The following SHANK2 variants were observed in gnomAD, a reference collection of about 807,000 sequenced individuals.
SHANK2 encodes SH3 and multiple ankyrin repeat domains protein 2.
Under a neutral mutation model 133.7 loss-of-function variants are expected in SHANK2, and 43 were observed. The ratio of observed to expected loss-of-function variants is 0.32; its 90% CI spans 0.25 to 0.41. The LOEUF (loss-of-function observed/expected upper bound fraction) is 0.41. Among genes scored for constraint, SHANK2 ranks in the 10% least tolerant of loss-of-function variants. The pLI, the probability that SHANK2 is intolerant of heterozygous loss-of-function variation, is 1.00. For missense variants in SHANK2, 1,994 were observed against 2,235.8 expected (o/e 0.89, Z 2.18); for synonymous variants, 1,017 against 952.8 (o/e 1.07, Z -1.24).
At chr11:70,772,752 T>C (rs1388297576) in intron 14 of SHANK2, among the ~76,000 whole-genome samples, 1 of 152,160 alleles carries the variant, frequency 6.6e-6, no homozygotes, top group Non-Finnish European at 1.5e-5. Context: ...ACACCACCTG[T>C]ATATGTCCTA....
rs545602275 is a variant in SHANK2, at chr11:71,092,902, C to T, written c.745-313G>A. ...TGAAAAATACAAAAAAAATAGCCAG[C>T]GTGGTGGCAGGTGTCTGTAATCCCA... On this transcript the variant is annotated intron_variant, in intron 7 of 25. Coordinates refer to ENST00000601538, the MANE Select transcript of SHANK2 (RefSeq NM_012309.5). Among the ~76,000 whole-genome samples the T allele has an allele frequency of 2.0e-5, 3 of 152,154 alleles. No individual in the cohort carries two copies. The East Asian group carries it at 5.8e-4, about 29-fold the overall frequency.
intron 2 of SHANK2, among the ~76,000 whole-genome samples, chr11:71,219,946 A>G (rs1386108544): frequency 3.3e-5 from 5 of 152,084 alleles, no homozygotes; most frequent in Non-Finnish European, 5.9e-5. Flanking sequence ...AAAACAGGCC[A>G]GGTGTGGTGG....
At chr11:70,621,131 C>T (rs117401170) in intron 17 of SHANK2, among the ~76,000 whole-genome samples, 5 of 152,254 alleles carry the variant, frequency 3.3e-5, no homozygotes, top group Admixed American at 6.5e-5. Context: ...GGTGTGATCC[C>T]GACTTCACCT....
intron 3 of SHANK2, among the ~76,000 whole-genome samples, chr11:71,128,302 G>T (rs1287762801): frequency 6.6e-6 from 1 of 152,184 alleles, no homozygotes; most frequent in Admixed American, 6.5e-5. Flanking sequence ...TAAAGGCTGT[G>T]ATGTCCAGAT....
intron 2 of SHANK2, among the ~76,000 whole-genome samples, chr11:71,220,027 C>A (rs1209544972): frequency 6.6e-6 from 1 of 151,930 alleles, no homozygotes; most frequent in Non-Finnish European, 1.5e-5. Context: ...AGTTCAAGAC[C>A]AGCCTGGACA....
chr11:70,545,638 T>G (rs1174464489), intron 17 of SHANK2, among the ~76,000 whole-genome samples: 6 of 152,160 alleles, frequency 3.9e-5, no homozygotes, highest in African/African-American at 1.2e-4. Flanking sequence ...ACAGCTGGTG[T>G]TGTATTTTTT....
At chr11:70,936,114 G>A (rs1173015915) in intron 10 of SHANK2, among the ~76,000 whole-genome samples, 1 of 152,348 alleles carries the variant, frequency 6.6e-6, no homozygotes, top group South Asian at 2.1e-4. Flanking sequence ...TTCCTTAAAT[G>A]CCAGCTCTGT....
Position 70,825,810 on chromosome 11 carries a change from T to C in SHANK2, c.1175-5128A>G, listed in dbSNP as rs547142254. On this transcript the variant is annotated intron_variant, in intron 11 of 25. Transcript: ENST00000601538. ...TGTGAAAAGGGTTAAAAATAACTGT[T>C]TTCTGTCTGAAAATGATTAATATTC... Among the ~76,000 whole-genome samples, 5 of 152,312 alleles carry C rather than the reference T, an allele frequency of 3.3e-5. No homozygotes were observed. The East Asian group carries it at 9.6e-4, about 29-fold the overall frequency.
At chr11:70,555,546 G>A (rs2059818036) in intron 17 of SHANK2, among the ~76,000 whole-genome samples, 1 of 152,184 alleles carries the variant, frequency 6.6e-6, no homozygotes, top group Non-Finnish European at 1.5e-5. Flanking sequence ...TCGAGTTTGA[G>A]ACCCCATCTA....
At chr11:71,168,401 C>T (rs1213433433) in intron 2 of SHANK2, among the ~76,000 whole-genome samples, 4 of 151,596 alleles carry the variant, frequency 2.6e-5, no homozygotes, top group Non-Finnish European at 5.9e-5. Context: ...GGCAGAGACG[C>T]TCCTCACTTC....
Position 70,490,269 on chromosome 11 carries a change from T to G in SHANK2, c.2551+7A>C. The G allele has an allele frequency of 6.2e-7, 1 of 1,611,806 alleles. No individual in the cohort carries two copies. The highest frequency in any genetic ancestry group is 8.5e-7 in the Non-Finnish European group (1 of 1,177,848). ...CAACTTCTGTGGGGGAGTGCCACAC[T>G]TCTTACCTATTGATTTCTGCCTTCG... On this transcript the variant is annotated splice_region_variant and intron_variant, in intron 23 of 25. Coordinates refer to ENST00000601538, the MANE Select transcript of SHANK2 (RefSeq NM_012309.5).
chr11:70,846,861 T>C (rs1277890895), intron 11 of SHANK2, among the ~76,000 whole-genome samples: 1 of 152,052 alleles, frequency 6.6e-6, no homozygotes. Context: ...ATGAACGAGG[T>C]CATCCAATGG....
At chr11:70,886,302 G>A (rs1949744981) in intron 11 of SHANK2, among the ~76,000 whole-genome samples, 1 of 152,148 alleles carries the variant, frequency 6.6e-6, no homozygotes, top group Admixed American at 6.5e-5. Flanking sequence ...TGGGAATCTG[G>A]TCAACAGCTG....
At chr11:71,191,905 G>T (rs1227322491) in intron 2 of SHANK2, among the ~76,000 whole-genome samples, 1 of 151,770 alleles carries the variant, frequency 6.6e-6, no homozygotes, top group Non-Finnish European at 1.5e-5. Flanking sequence ...CTGTCGCCCA[G>T]GCTGGAGTGC....
chr11:70,927,899 G>A (rs1450974224), intron 10 of SHANK2, among the ~76,000 whole-genome samples: 1 of 152,178 alleles, frequency 6.6e-6, no homozygotes, highest in Non-Finnish European at 1.5e-5. Flanking sequence ...CCAGCTGACT[G>A]CTGGAGCTGA....
At chr11:70,833,078 T>A (rs1948748928) in intron 11 of SHANK2, among the ~76,000 whole-genome samples, 1 of 152,206 alleles carries the variant, frequency 6.6e-6, no homozygotes, top group South Asian at 2.1e-4. Flanking sequence ...TCCCTCAGCT[T>A]CCCCAGCTGC....
At chr11:70,627,139 G>T (rs1488423181) in intron 17 of SHANK2, among the ~76,000 whole-genome samples, 1 of 152,150 alleles carries the variant, frequency 6.6e-6, no homozygotes, top group Non-Finnish European at 1.5e-5. Context: ...TGTTTTTGAG[G>T]TTTGTGATAT....
intron 9 of SHANK2, among the ~76,000 whole-genome samples, chr11:71,063,872 C>T (rs929126394): frequency 2.6e-5 from 4 of 152,190 alleles, no homozygotes; most frequent in South Asian, 2.1e-4. Flanking sequence ...CACGAAGGAG[C>T]GTTCCTGGGG....
At chr11:70,517,941 G>C (rs1244625914) in intron 17 of SHANK2, among the ~76,000 whole-genome samples, 6 of 152,192 alleles carry the variant, frequency 3.9e-5, no homozygotes, top group Non-Finnish European at 8.8e-5. Context: ...GAAAAATAGG[G>C]AAAACAGGGA....
Sources: allele counts gnomAD v4.1 joint callset (sites outside exome capture counted in the v4.1 genomes callset), GRCh38; gene constraint gnomAD v4.1.1; transcripts MANE v1.5; gene names NCBI Gene and HGNC (gene_info 2026-07-23, HGNC 2026-07-21).